BMP2K: variants seen among roughly 807,000 people sequenced by gnomAD.
BMP2K encodes the protein BMP-2-inducible protein kinase.
In BMP2K, 74 loss-of-function variants were observed where a neutral mutation model predicts 116.0. The ratio of observed to expected loss-of-function variants is 0.64; its 90% CI spans 0.53 to 0.77. BMP2K has a LOEUF of 0.77. Among genes scored for constraint, BMP2K ranks in the 30% least tolerant of loss-of-function variants. The pLI is 0.00. For synonymous variants in BMP2K, 486 were observed against 502.5 expected, an observed-to-expected ratio of 0.97 and a Z score of 0.44; for missense variants, 1,365 against 1,403.6, an observed-to-expected ratio of 0.97 and a Z score of 0.44.
rs1232627761 is a variant in BMP2K at position 78,833,611 on chromosome 4, G to C, written c.327G>C (p.Val109=). ...AGCTATCTGGTCACAAAAATATTGT[G>C]GGCTATTTGGACTGTGCTGTTAATT... ...MKELSGHKNI[V]GYLDCAVNSI... The change falls in exon 3 of 16, where the codon GTG becomes GTC. Residue 109 remains valine, a synonymous_variant. Coordinates refer to ENST00000502613, the MANE Select transcript of BMP2K (RefSeq NM_198892.2). The C allele has an allele frequency of 6.3e-7, 1 of 1,595,890 alleles. No individual in the cohort carries two copies. The highest frequency in any genetic ancestry group is 1.4e-5 in the African/African-American group (1 of 73,804).
At chr4:78,865,904 A>G (rs1275674955) in intron 10 of BMP2K, 184 bp downstream of exon 10, 1 of 613,188 alleles carries the variant, frequency 1.6e-6, no homozygotes, top group African/African-American at 1.8e-5. Context: ...TTGTAGGCAA[A>G]GGGAAGTTAC....
At chr4:78,856,234 G>A (rs1291931221) in intron 7 of BMP2K, among the ~76,000 whole-genome samples, 1 of 151,820 alleles carries the variant, frequency 6.6e-6, no homozygotes, top group East Asian at 1.9e-4. Flanking sequence ...GCCTATGCTG[G>A]ATTGCAATGG....
chr4:78,911,095 A>T lies in BMP2K; in HGVS notation c.2548A>T (p.Thr850Ser). ...AQLSSDVAVE[T>S]PKQEFDVFGA... ...ATTATCCTCTGATGTTGCAGTGGAG[A>T]CTCCCAAACAGGAGTTTGATGTATT... The change falls in exon 16 of 16, where the codon ACT (threonine) becomes TCT (serine). Residue 850 changes from threonine to serine, a missense_variant. By Grantham distance (58) the Thr-to-Ser change is moderately conservative (BLOSUM62 1). Around this residue, in one of 3 missense-constraint regions of BMP2K, gnomAD observed 596 missense variants for 623.2 expected, o/e 0.96. Transcript: ENST00000502613. 6.2e-7 allele frequency: 1 copy of T among 1,613,746 alleles called. No homozygotes were observed.
In BMP2K at chr4:78,870,928, C is replaced by CCAGCAGCAGCAG. The variant is rs3063772; in HGVS notation, c.1392_1403dup (p.Gln483_Gln486dup). 1.3e-5 allele frequency: 21 copies of CCAGCAGCAGCAG among 1,599,218 alleles called. No individual in the cohort carries two copies. In the South Asian group the frequency reaches 1.3e-4, roughly 10 times the overall value. On this transcript the variant is annotated inframe_insertion, in exon 11 of 16. Coordinates refer to ENST00000502613, the MANE Select transcript of BMP2K (RefSeq NM_198892.2). ...TCCATTTACAGCATCGTCATCCTCA[C>CCAGCAGCAGCAG]CAGCAGCAGCAGCAGCAGCAGCAGC...
chr4:78,879,627 TTGTGTGTG>T, intron 14 of BMP2K: 1 of 163,378 alleles, frequency 6.1e-6, no homozygotes, highest in Non-Finnish European at 1.3e-5. Flanking sequence ...TTCTGAGGCT[TTGTGTGTG>T]TGTGTGTGTG....
intron 4 of BMP2K, among the ~76,000 whole-genome samples, chr4:78,844,003 T>A (rs1730881916): frequency 6.6e-6 from 1 of 151,774 alleles, no homozygotes; most frequent in African/African-American, 2.4e-5. Flanking sequence ...TAAAGTGAAA[T>A]ATAGAAGAAA....
At chr4:78,835,018 T>C (rs911302928) in intron 3 of BMP2K, among the ~76,000 whole-genome samples, 2 of 152,228 alleles carry the variant, frequency 1.3e-5, no homozygotes, top group African/African-American at 4.8e-5. Context: ...TTTATAGTGC[T>C]AATTCTTAGA....
chr4:78,903,619 TTTG>T (rs1222935798), intron 15 of BMP2K, among the ~76,000 whole-genome samples: 1 of 152,030 alleles, frequency 6.6e-6, no homozygotes, highest in Non-Finnish European at 1.5e-5. Context: ...TCTCATGGAT[TTTG>T]TAAAGTTGAG....
At chr4:78,887,067 G>C (rs1270676782) in intron 14 of BMP2K, 107 bp from the exon 15 acceptor site, 1 of 742,148 alleles carries the variant, frequency 1.3e-6, no homozygotes, top group Non-Finnish European at 2.2e-6. Context: ...TTTGCAAAAA[G>C]GCTGGTGCTT....
chr4:78,882,417 T>A (rs1242419224), intron 14 of BMP2K, among the ~76,000 whole-genome samples: 1 of 151,724 alleles, frequency 6.6e-6, no homozygotes, highest in Non-Finnish European at 1.5e-5. Flanking sequence ...TAAGCAATAA[T>A]AATAAAGCTT....
intron 13 of BMP2K, among the ~76,000 whole-genome samples, chr4:78,873,658 C>CTGTGTGTGTGTGTGTGTG (rs377226626): frequency 7.2e-6 from 1 of 139,418 alleles, no homozygotes; most frequent in Non-Finnish European, 1.6e-5. Context: ...CTCCCAACCT[C>CTGTGTGTGTGTGTGTGTG]TGTGTGTGTG....
intron 10 of BMP2K, among the ~76,000 whole-genome samples, chr4:78,869,703 T>C (rs559860536): frequency 1.3e-5 from 2 of 152,324 alleles, no homozygotes; most frequent in South Asian, 4.1e-4. Flanking sequence ...GAGTAGTTAT[T>C]TTAGTACTCT....
chr4:78,818,271 A>G (rs1420487885), intron 1 of BMP2K, among the ~76,000 whole-genome samples: 2 of 152,148 alleles, frequency 1.3e-5, no homozygotes, highest in Admixed American at 6.5e-5. Flanking sequence ...TCCTTCAGGT[A>G]TATACCCAGT....
At chr4:78,904,448 A>C (rs1734186149) in intron 15 of BMP2K, among the ~76,000 whole-genome samples, 1 of 151,936 alleles carries the variant, frequency 6.6e-6, no homozygotes, top group African/African-American at 2.4e-5. Flanking sequence ...CATTGCTCAG[A>C]CATTTTTTGC....
intron 15 of BMP2K, among the ~76,000 whole-genome samples, chr4:78,896,342 G>A (rs745583170): frequency 1.3e-5 from 2 of 152,068 alleles, no homozygotes; most frequent in Non-Finnish European, 2.9e-5. Context: ...ACATTTAATT[G>A]TACTTATATT....
At chr4:78,814,036 A>G (rs1004301772) in intron 1 of BMP2K, among the ~76,000 whole-genome samples, 1 of 152,238 alleles carries the variant, frequency 6.6e-6, no homozygotes, top group African/African-American at 2.4e-5. Flanking sequence ...CAGATGCTCC[A>G]GCAATGTAAG....
chr4:78,865,656 T>A lies in BMP2K; in HGVS notation c.1167T>A (p.Ile389=). The A allele has an allele frequency of 6.2e-7, 1 of 1,614,056 alleles. No homozygotes were observed. Among genetic ancestry groups the A allele is most frequent in the East Asian group, 2.2e-5 (1 of 44,874 alleles). The change falls in exon 10 of 16, where the codon ATT becomes ATA. Residue 389 remains isoleucine (I), a synonymous_variant. Coordinates refer to ENST00000502613, the MANE Select transcript of BMP2K (RefSeq NM_198892.2). ...CTGCCACTCCCAGTGTGCTGACCAT[T>A]CAAAGTTCAGCAACACCTGTTAAAG... ...ATTATPSVLT[I]QSSATPVKVL...
intron 14 of BMP2K, among the ~76,000 whole-genome samples, chr4:78,884,956 T>C (rs559306657): frequency 1.3e-5 from 2 of 152,326 alleles, no homozygotes; most frequent in East Asian, 1.9e-4. Context: ...AAAAAGTTTT[T>C]AGTAAAATGA....
At position 78,882,365 on chromosome 4, in the gene BMP2K, C is replaced by CCTGTTCTTAAT. The variant is rs370001569; in HGVS notation, c.1951+3475_1951+3485dup. On this transcript the variant is annotated intron_variant, in intron 14 of 15. Coordinates refer to ENST00000502613, the MANE Select transcript of BMP2K (RefSeq NM_198892.2). ...CCATTTATGGTTCAGAATTGTTTTA[C>CCTGTTCTTAAT]CTGTTCTTAATTTTAGTAAGAACAA... is the stretch of plus-strand genomic sequence containing the variant. 4.5e-3 allele frequency among the ~76,000 whole-genome samples: 679 copies of CCTGTTCTTAAT among 151,608 alleles called. 2 individuals are homozygous for CCTGTTCTTAAT. Among genetic ancestry groups the CCTGTTCTTAAT allele is most frequent in the African/African-American group, 0.015 (642 of 41,504 alleles).
Sources: gnomAD v4.1 joint callset for allele counts (sites outside exome capture counted in the v4.1 genomes callset) on GRCh38, gnomAD v4.1.1 for gene constraint, gnomAD v4.1.1 regional missense constraint, MANE v1.5 for transcripts, NCBI Gene and HGNC (gene_info 2026-07-23, HGNC 2026-07-21) for gene names.